VEGFC: variants seen among roughly 807,000 people sequenced by gnomAD.
VEGFC encodes the protein vascular endothelial growth factor C.
A neutral mutation model predicts 46.1 loss-of-function variants in VEGFC; 12 were observed. The observed-to-expected ratio is 0.26, with a 90% CI of 0.17 to 0.42. The LOEUF (loss-of-function observed/expected upper bound fraction) is 0.42. Among genes scored for constraint, VEGFC ranks in the 10% least tolerant of loss-of-function variants. VEGFC has a pLI of 1.00. For missense variants in VEGFC, 488 were observed against 529.4 expected (o/e 0.92, Z 0.77); for synonymous variants, 232 against 195.5 (o/e 1.19, Z -1.56).
intron 1 of VEGFC, among the ~76,000 whole-genome samples, chr4:176,788,496 TA>T (rs1403690308): frequency 6.6e-6 from 1 of 152,204 alleles, no homozygotes; most frequent in Non-Finnish European, 1.5e-5. Flanking sequence ...CACATTTCTC[TA>T]AAACATACAT....
At chr4:176,713,029 T>C (rs1484162708) in intron 3 of VEGFC, among the ~76,000 whole-genome samples, 1 of 152,160 alleles carries the variant, frequency 6.6e-6, no homozygotes, top group Non-Finnish European at 1.5e-5. Flanking sequence ...ATCAGTAAAC[T>C]AAGGATAACA....
intron 4 of VEGFC, among the ~76,000 whole-genome samples, chr4:176,704,437 C>A (rs1734487901): frequency 6.6e-6 from 1 of 152,094 alleles, no homozygotes; most frequent in South Asian, 2.1e-4. Context: ...TGAACAGGTG[C>A]TCCTTGTCTT....
intron 3 of VEGFC, among the ~76,000 whole-genome samples, chr4:176,714,895 T>C (rs1201284180): frequency 6.6e-6 from 1 of 152,184 alleles, no homozygotes; most frequent in African/African-American, 2.4e-5. Flanking sequence ...GAAAGCATCT[T>C]CCTGGAAAAC....
chr4:176,740,214 T>G (rs1383344851), intron 1 of VEGFC, among the ~76,000 whole-genome samples: 1 of 123,842 alleles, frequency 8.1e-6, no homozygotes, highest in Non-Finnish European at 1.6e-5. Flanking sequence ...AATATATATC[T>G]ATATATAGAA....
chr4:176,774,916 T>C (rs1735790138), intron 1 of VEGFC, among the ~76,000 whole-genome samples: 1 of 151,980 alleles, frequency 6.6e-6, no homozygotes, highest in Admixed American at 6.6e-5. Context: ...CAGGTAAGAA[T>C]ATCGTTAGAG....
chr4:176,715,875 G>A (rs1032765886), intron 3 of VEGFC, among the ~76,000 whole-genome samples: 72 of 152,024 alleles, frequency 4.7e-4, no homozygotes, highest in Admixed American at 2.6e-3. Context: ...CCTACTCCAC[G>A]AAGTATGTAA....
chr4:176,774,753 T>C (rs1190937739), intron 1 of VEGFC, among the ~76,000 whole-genome samples: 1 of 150,280 alleles, frequency 6.7e-6, no homozygotes, highest in Non-Finnish European at 1.5e-5. Flanking sequence ...GGCACTTGTA[T>C]ACATATGTAA....
chr4:176,692,260 G>A (rs868269610), intron 4 of VEGFC, among the ~76,000 whole-genome samples: 1 of 138,142 alleles, frequency 7.2e-6, no homozygotes, highest in Non-Finnish European at 1.5e-5. Context: ...CGGGCGTAGT[G>A]GCGGGCGCCT....
At chr4:176,773,016 A>G (rs888510989) in intron 1 of VEGFC, among the ~76,000 whole-genome samples, 4 of 152,144 alleles carry the variant, frequency 2.6e-5, no homozygotes, top group African/African-American at 4.8e-5. Flanking sequence ...AAGTGCATGT[A>G]TTTTCTTTAT....
chr4:176,700,715 A>T (rs558250088), intron 4 of VEGFC, among the ~76,000 whole-genome samples: 140 of 152,294 alleles, frequency 9.2e-4, no homozygotes, highest in African/African-American at 3.2e-3. Context: ...AGGTTGAAAC[A>T]ATGGAAAATC....
intron 3 of VEGFC, among the ~76,000 whole-genome samples, chr4:176,713,052 T>C (rs73872161): frequency 6.6e-6 from 1 of 152,148 alleles, no homozygotes; most frequent in Admixed American, 6.5e-5. Context: ...TGACTCATTA[T>C]TCTCAGATTA....
chr4:176,727,160 T>C (rs1734885187), intron 3 of VEGFC, among the ~76,000 whole-genome samples: 1 of 152,188 alleles, frequency 6.6e-6, no homozygotes, highest in Non-Finnish European at 1.5e-5. Flanking sequence ...GGTCTGAAAA[T>C]CCCTGATCCA....
At chr4:176,688,618 C>T (rs1436810995) in intron 4 of VEGFC, among the ~76,000 whole-genome samples, 1 of 150,610 alleles carries the variant, frequency 6.6e-6, no homozygotes, top group Non-Finnish European at 1.5e-5. Context: ...TCCTTCCCTT[C>T]CCCTCCTTTC....
At chr4:176,739,853 G>A (rs1735125794) in intron 1 of VEGFC, among the ~76,000 whole-genome samples, 2 of 150,696 alleles carry the variant, frequency 1.3e-5, no homozygotes, top group Non-Finnish European at 3.0e-5. Flanking sequence ...AAGGTTTTGA[G>A]ATCATTAAAG....
intron 4 of VEGFC, among the ~76,000 whole-genome samples, chr4:176,700,389 C>G (rs1734405924): frequency 6.6e-6 from 1 of 151,606 alleles, no homozygotes; most frequent in African/African-American, 2.4e-5. Context: ...TGCACTCTAG[C>G]CTGGGCAACA....
At position 176,792,183 on chromosome 4, in the gene VEGFC, G is replaced by C. The variant is rs201300375; in HGVS notation, c.129C>G (p.Pro43=). The C allele has an allele frequency of 6.6e-7, 1 of 1,521,678 alleles. No individual in the cohort carries two copies. Among genetic ancestry groups the C allele is most frequent in the East Asian group, 2.6e-5 (1 of 38,832 alleles). The allele number at this position is 1,521,678 out of a possible 1,614,324, so 94.3% of individuals were successfully genotyped here. Residue 43 remains proline (P), a synonymous_variant, in exon 1 of 7, where the codon CCC becomes CCG. Transcript: ENST00000618562. The surrounding 1 kb of genome is among the most constrained non-coding windows in gnomAD (Gnocchi z 6.3). ...ESGLDLSDAE[P]DAGEATAYAS... is the part of the protein sequence containing the mutation. ...GACCTACCGTGGCCTCGCCCGCGTCGGGCTCCGCGTCCGAGAGGTCGAGTC... is the reference window on the plus strand; with the variant it reads ...GACCTACCGTGGCCTCGCCCGCGTCCGGCTCCGCGTCCGAGAGGTCGAGTC...
chr4:176,693,812 G>A (rs1038584522), intron 4 of VEGFC, among the ~76,000 whole-genome samples: 3 of 144,308 alleles, frequency 2.1e-5, no homozygotes, highest in African/African-American at 5.7e-5. Context: ...AAGAGAGTGG[G>A]GGCCAATATT....
rs575199593 is a variant in VEGFC at position 176,742,568 on chromosome 4, T to A, written c.148-12822A>T. Among the ~76,000 whole-genome samples the A allele has an allele frequency of 6.8e-4, 103 of 152,172 alleles. 2 individuals are homozygous for A. The Middle Eastern group carries it at 0.01, about 15-fold the overall frequency. On this transcript the variant is annotated intron_variant, in intron 1 of 6. Transcript: ENST00000618562. ...TACATTCTCACTAAAACTGTGTAAA[T>A]GTTCTTTACTTTTTCATCCACCCTC... is the stretch of plus-strand genomic sequence containing the variant.
intron 1 of VEGFC, among the ~76,000 whole-genome samples, chr4:176,759,663 A>G (rs6552191): frequency 0.72 from 109,980 of 152,044 alleles, 44,802 homozygotes; most frequent in East Asian, 0.93. Flanking sequence ...TAATCATTCC[A>G]CAATGTACTT....
Sources: gnomAD v4.1 joint callset for allele counts (sites outside exome capture counted in the v4.1 genomes callset) on GRCh38, gnomAD v4.1.1 for gene constraint, Gnocchi (gnomAD v3.1) non-coding constraint, MANE v1.5 for transcripts, NCBI Gene and HGNC (gene_info 2026-07-23, HGNC 2026-07-21) for gene names.